HMGN3: variants seen among roughly 807,000 people sequenced by gnomAD.
HMGN3 encodes high mobility group nucleosomal binding domain 3.
HMGN3 carries 6 observed loss-of-function variants against 18.8 expected under a neutral mutation model. The observed-to-expected ratio is 0.32, with a 90% confidence interval of 0.18 to 0.63. The LOEUF is 0.63. Among genes scored for constraint, HMGN3 ranks in the 30% least tolerant of loss-of-function variants. The pLI is 0.79. For synonymous variants in HMGN3, 40 were observed against 36.5 expected (o/e 1.10, Z -0.35); for missense variants, 107 against 114.2 (o/e 0.94, Z 0.29).
intron 1 of HMGN3, among the ~76,000 whole-genome samples, chr6:79,220,945 A>G (rs1240364451): frequency 6.6e-6 from 1 of 152,168 alleles, no homozygotes; most frequent in Non-Finnish European, 1.5e-5. Context: ...TTTTCTAAAA[A>G]GGCCTGAAAT....
chr6:79,221,551 T>C (rs1383100522), intron 1 of HMGN3, among the ~76,000 whole-genome samples: 1 of 152,206 alleles, frequency 6.6e-6, no homozygotes, highest in Non-Finnish European at 1.5e-5. Flanking sequence ...TTGCTGACCT[T>C]CTTTCATGTA....
chr6:79,203,662 GAA>G (rs67281239), intron 3 of HMGN3, 32 bp from the exon 4 acceptor site: 13,751 of 1,044,618 alleles, frequency 0.013, 6 homozygotes, highest in African/African-American at 0.018. Context: ...CACAAATACT[GAA>G]AAAAAAAAAA....
At chr6:79,212,884 AAACT>A (rs1471276541) in intron 2 of HMGN3, among the ~76,000 whole-genome samples, 18 of 152,200 alleles carry the variant, frequency 1.2e-4, no homozygotes, top group Non-Finnish European at 2.6e-4. Flanking sequence ...AACCATCAGC[AAACT>A]AACTGACCTT....
intron 1 of HMGN3, among the ~76,000 whole-genome samples, chr6:79,231,074 T>A (rs1777815703): frequency 6.6e-6 from 1 of 152,234 alleles, no homozygotes; most frequent in African/African-American, 2.4e-5. Context: ...ACTGCTTACA[T>A]GCCACATTCA....
intron 1 of HMGN3, among the ~76,000 whole-genome samples, chr6:79,219,563 T>A (rs1272573711): frequency 6.6e-6 from 1 of 152,150 alleles, no homozygotes; most frequent in East Asian, 1.9e-4. Context: ...TAAACAACAT[T>A]ACCTATTGTG....
At chr6:79,214,568 A>G (rs1222239326) in intron 2 of HMGN3, among the ~76,000 whole-genome samples, 1 of 152,156 alleles carries the variant, frequency 6.6e-6, no homozygotes, top group African/African-American at 2.4e-5. Context: ...GTGACTTATA[A>G]TCCACTCACT....
intron 1 of HMGN3, among the ~76,000 whole-genome samples, chr6:79,230,693 A>G (rs1378736928): frequency 6.6e-6 from 1 of 152,198 alleles, no homozygotes; most frequent in Admixed American, 6.5e-5. Flanking sequence ...GTGAGATGCT[A>G]TCTTTTTAAA....
At chr6:79,209,962 T>C (rs1340603428) in intron 2 of HMGN3, among the ~76,000 whole-genome samples, 1 of 152,132 alleles carries the variant, frequency 6.6e-6, no homozygotes, top group Non-Finnish European at 1.5e-5. Context: ...GCAGGTTAAG[T>C]GATTGGGTGG....
intron 2 of HMGN3, among the ~76,000 whole-genome samples, chr6:79,209,321 G>A (rs1205095621): frequency 6.6e-6 from 1 of 152,110 alleles, no homozygotes; most frequent in Non-Finnish European, 1.5e-5. Context: ...TAAATTAACA[G>A]AACTGTCCTA....
intron 1 of HMGN3, among the ~76,000 whole-genome samples, chr6:79,232,311 C>T (rs1777882678): frequency 6.6e-6 from 1 of 152,162 alleles, no homozygotes; most frequent in African/African-American, 2.4e-5. Flanking sequence ...TGAGGCTGCT[C>T]TAAGACTTGA....
At position 79,234,640 on chromosome 6, in the gene HMGN3, T is replaced by A. The variant is rs1483534276; in HGVS notation, c.-80A>T. On this transcript the variant is annotated 5_prime_UTR_variant, in exon 1 of 6. Coordinates refer to ENST00000344726, the Ensembl canonical transcript of HMGN3. ...CGCCGCTGGATGCTGCCTCTGCCTC[T>A]GCAGCTGCTCACGCGCAGGGCACGA... 8 of 1,388,010 alleles carry A rather than the reference T, an allele frequency of 5.8e-6. No homozygotes were observed. The East Asian group carries it at 1.8e-4, about 32-fold the overall frequency. The allele number at this position is 1,388,010 out of a possible 1,614,324, so 86.0% of individuals were successfully genotyped here.
At chr6:79,234,446 G>A (rs1778042502) in intron 1 of HMGN3, 100 bp downstream of exon 1, 3 of 1,127,054 alleles carry the variant, frequency 2.7e-6, no homozygotes, top group South Asian at 2.6e-5. Context: ...CCCAATCCCC[G>A]GGTTACTACC....
At chr6:79,201,341 C>T (rs950489986) in exon 6 of HMGN3, 1 of 217,398 alleles carries the variant, frequency 4.6e-6, no homozygotes, top group Non-Finnish European at 9.1e-6. Context: ...AACCTAGGTA[C>T]AAAAGCACCA....
intron 1 of HMGN3, among the ~76,000 whole-genome samples, chr6:79,229,746 C>T (rs1777746817): frequency 1.3e-5 from 2 of 151,974 alleles, no homozygotes; most frequent in East Asian, 1.9e-4. Context: ...GGCGTAGTGG[C>T]GGGCGCCTGT....
intron 1 of HMGN3, among the ~76,000 whole-genome samples, chr6:79,226,564 C>A (rs1434222431): frequency 6.6e-6 from 1 of 152,138 alleles, no homozygotes; most frequent in African/African-American, 2.4e-5. Flanking sequence ...AATAATTTCA[C>A]ATTTTTATTT....
At chr6:79,225,756 G>T (rs1283592214) in intron 1 of HMGN3, among the ~76,000 whole-genome samples, 1 of 152,164 alleles carries the variant, frequency 6.6e-6, no homozygotes, top group Non-Finnish European at 1.5e-5. Context: ...CTGCATATGT[G>T]TATCTTGTCT....
intron 1 of HMGN3, chr6:79,233,881 C>A (rs576323199): frequency 1.3e-5 from 2 of 152,432 alleles, no homozygotes; most frequent in African/African-American, 4.8e-5. Context: ...CCGGCGCCGT[C>A]CCGTCTTCCA....
intron 1 of HMGN3, among the ~76,000 whole-genome samples, chr6:79,229,040 A>G (rs1777703717): frequency 1.3e-5 from 2 of 152,372 alleles, no homozygotes; most frequent in South Asian, 4.1e-4. Context: ...GATTTCTACA[A>G]GCAATAAAAT....
chr6:79,208,688 T>C, intron 2 of HMGN3, 112 bp from the exon 3 acceptor site: 1 of 855,502 alleles, frequency 1.2e-6, no homozygotes, highest in Non-Finnish European at 2.0e-6. Context: ...CTATAATGTA[T>C]GATTCCCATC....
Sources: gnomAD v4.1 joint callset for allele counts (sites outside exome capture counted in the v4.1 genomes callset) on GRCh38, gnomAD v4.1.1 for gene constraint, MANE v1.5 for transcripts, NCBI Gene and HGNC (gene_info 2026-07-23, HGNC 2026-07-21) for gene names.